The following FBXW11 variants were observed in gnomAD, a reference collection of about 807,000 sequenced individuals.
FBXW11 encodes F-box and WD repeat domain containing 11.
Under a neutral mutation model 77.6 loss-of-function variants are expected in FBXW11, and 19 were observed. The observed-to-expected ratio is 0.24, with a 90% CI of 0.17 to 0.36. The LOEUF (loss-of-function observed/expected upper bound fraction) is 0.36. FBXW11 is among the 10% of genes least tolerant of loss of function. The pLI is 1.00. For missense variants in FBXW11, 334 were observed against 704.2 expected (o/e 0.47, Z 5.95); for synonymous variants, 235 against 249.4 (o/e 0.94, Z 0.54).
At chr5:171,910,431 G>T in intron 4 of FBXW11, 141 bp downstream of exon 4, 1 of 540,886 alleles carries the variant, frequency 1.8e-6, no homozygotes. Context: ...ATAATTCCTC[G>T]AGTTCCATAT....
chr5:171,918,684 A>G (rs938334503), intron 2 of FBXW11, among the ~76,000 whole-genome samples: 6 of 152,336 alleles, frequency 3.9e-5, no homozygotes, highest in Non-Finnish European at 8.8e-5. Context: ...TAACCTAGGA[A>G]GAAGAAGCTA....
chr5:171,971,590 C>T (rs1222398285), intron 1 of FBXW11, among the ~76,000 whole-genome samples: 1 of 151,776 alleles, frequency 6.6e-6, no homozygotes, highest in Non-Finnish European at 1.5e-5. Context: ...GTATATGTTA[C>T]CAGCAGCAAA....
chr5:171,951,697 G>A (rs912965813), intron 2 of FBXW11, among the ~76,000 whole-genome samples: 4 of 152,092 alleles, frequency 2.6e-5, no homozygotes, highest in Admixed American at 2.6e-4. Flanking sequence ...CACCATGTTG[G>A]TGACCTCAGG....
chr5:171,879,776 T>C (rs1315190684), intron 7 of FBXW11, among the ~76,000 whole-genome samples: 2 of 152,262 alleles, frequency 1.3e-5, no homozygotes, highest in Non-Finnish European at 2.9e-5. Context: ...TTAAGGTCTA[T>C]GCCTTATTTT....
At chr5:171,920,733 A>C in intron 2 of FBXW11, among the ~76,000 whole-genome samples, 1 of 152,288 alleles carries the variant, frequency 6.6e-6, no homozygotes, top group Middle Eastern at 3.4e-3. Flanking sequence ...ACAAAATAAA[A>C]AATAACTGAA....
At chr5:172,001,061 A>G (rs1038795474) in intron 1 of FBXW11, among the ~76,000 whole-genome samples, 12 of 152,212 alleles carry the variant, frequency 7.9e-5, no homozygotes, top group Admixed American at 3.3e-4. Context: ...TAATATGTCT[A>G]TGGATGTCCT....
chr5:171,954,796 T>C (rs764009368), intron 2 of FBXW11, among the ~76,000 whole-genome samples: 24 of 152,170 alleles, frequency 1.6e-4, no homozygotes, highest in Admixed American at 9.8e-4. Flanking sequence ...TCTTTTCTTA[T>C]TTTCAAATAA....
In FBXW11 at chr5:171,979,533, T is replaced by TA. The variant is rs530377148; in HGVS notation, c.46-21836dup. Among the ~76,000 whole-genome samples the TA allele has an allele frequency of 1.2e-4, 19 of 152,240 alleles. No individual in the cohort carries two copies. In the East Asian group the frequency reaches 3.5e-3, roughly 28 times the overall value. ...CTATAATAAATGTGAATTGCTTCTGTAAAAAAAGGTAAGTTCCTATTCAAT... is the reference window on the plus strand; with the variant it reads ...CTATAATAAATGTGAATTGCTTCTGTAAAAAAAAGGTAAGTTCCTATTCAAT... On this transcript the variant is annotated intron_variant, in intron 1 of 13. Coordinates refer to ENST00000517395, the MANE Select transcript of FBXW11 (RefSeq NM_001378974.1).
chr5:171,869,655 A>G lies in FBXW11; in HGVS notation c.1530+74T>C. The G allele has an allele frequency of 5.2e-6, 6 of 1,145,076 alleles. No homozygotes were observed. Among genetic ancestry groups the G allele is most frequent in the Non-Finnish European group, 7.5e-6 (6 of 801,624 alleles). 70.9% of individuals were successfully genotyped at this position (1,145,076 alleles called of 1,614,324 possible). On this transcript the variant is annotated intron_variant, in intron 12 of 13. Coordinates refer to ENST00000517395, the MANE Select transcript of FBXW11 (RefSeq NM_001378974.1). The surrounding 1 kb of genome is among the most constrained non-coding windows in gnomAD (Gnocchi z 4.1). Reference sequence around the variant, plus strand: ...AGACACACAAGCGTTCCTGTGATACACCTAGACAGGACTATCTGCAAATGG... The same window carrying G: ...AGACACACAAGCGTTCCTGTGATACGCCTAGACAGGACTATCTGCAAATGG...
intron 2 of FBXW11, among the ~76,000 whole-genome samples, chr5:171,939,712 A>AG (rs1239457034): frequency 6.6e-6 from 1 of 151,136 alleles, no homozygotes; most frequent in Non-Finnish European, 1.5e-5. Flanking sequence ...AAAAAAAAAA[A>AG]AAAAAAGAAA....
chr5:171,999,348 T>C lies in FBXW11; in HGVS notation c.45+7110A>G, dbSNP rs555740546. Among the ~76,000 whole-genome samples, 117 of 151,820 alleles carry C rather than the reference T, an allele frequency of 7.7e-4. 2 individuals carry two copies. The highest frequency in any genetic ancestry group is 3.4e-3 in the Middle Eastern group (1 of 294). On this transcript the variant is annotated intron_variant, in intron 1 of 13. Transcript: ENST00000517395. ...TTCTGGACCTCTTGAATCCTCAGGCTTTTCCCCTGTACTAGTGAGTTAATT... is the reference window on the plus strand; with the variant it reads ...TTCTGGACCTCTTGAATCCTCAGGCCTTTCCCCTGTACTAGTGAGTTAATT...
At chr5:171,972,314 CAAAA>C (rs869308177) in intron 1 of FBXW11, among the ~76,000 whole-genome samples, 1 of 102,902 alleles carries the variant, frequency 9.7e-6, no homozygotes, top group South Asian at 3.2e-4. Context: ...CTCGTCTCTA[CAAAA>C]ATAAATAAAT....
At position 171,891,464 on chromosome 5, in the gene FBXW11, C is replaced by T. The variant is rs766848779; in HGVS notation, c.852+3G>A. 5 of 1,575,550 alleles carry T rather than the reference C, an allele frequency of 3.2e-6. No individual in the cohort carries two copies. The highest frequency in any genetic ancestry group is 3.4e-4 in the Middle Eastern group (2 of 5,884). On this transcript the variant is annotated splice_donor_region_variant and intron_variant, in intron 7 of 13. Coordinates refer to ENST00000517395, the MANE Select transcript of FBXW11 (RefSeq NM_001378974.1). ...ATAATACATAAAAAATTCAGTCATTCACCTTAATAGAATTATCTCGTAGGC... is the reference window on the plus strand; with the variant it reads ...ATAATACATAAAAAATTCAGTCATTTACCTTAATAGAATTATCTCGTAGGC...
At chr5:171,923,909 C>CTGTTT in intron 2 of FBXW11, among the ~76,000 whole-genome samples, 1 of 49,130 alleles carries the variant, frequency 2.0e-5, no homozygotes, top group Non-Finnish European at 3.4e-5. Flanking sequence ...GAAACCCCAC[C>CTGTTT]TTTTTTTTTT....
chr5:171,910,390 C>T (rs189889510), intron 4 of FBXW11, among the ~76,000 whole-genome samples, 182 bp downstream of exon 4: 1 of 152,066 alleles, frequency 6.6e-6, no homozygotes, highest in South Asian at 2.1e-4. Context: ...ATTAAAGATA[C>T]TGCCTATATT....
At chr5:171,944,683 T>A (rs897309743) in intron 2 of FBXW11, among the ~76,000 whole-genome samples, 1 of 151,732 alleles carries the variant, frequency 6.6e-6, no homozygotes, top group Admixed American at 6.6e-5. Context: ...ACCCCAATGG[T>A]CTATAATAAA....
chr5:171,959,950 T>G (rs933991373), intron 1 of FBXW11, among the ~76,000 whole-genome samples: 4 of 152,070 alleles, frequency 2.6e-5, no homozygotes, highest in African/African-American at 9.7e-5. Flanking sequence ...GACTAGTAAA[T>G]TAAACCTGAC....
At chr5:171,962,310 T>G (rs1397910916) in intron 1 of FBXW11, among the ~76,000 whole-genome samples, 1 of 152,218 alleles carries the variant, frequency 6.6e-6, no homozygotes, top group East Asian at 1.9e-4. Flanking sequence ...GTGGGGATAC[T>G]TAACAGAAGA....
intron 2 of FBXW11, among the ~76,000 whole-genome samples, chr5:171,935,988 G>A (rs188490147): frequency 6.6e-6 from 1 of 151,790 alleles, no homozygotes; most frequent in Non-Finnish European, 1.5e-5. Flanking sequence ...GCGGGTGCCT[G>A]TAGTCCCAGC....
Sources: allele counts gnomAD v4.1 joint callset (sites outside exome capture counted in the v4.1 genomes callset), GRCh38; gene constraint gnomAD v4.1.1; non-coding constraint Gnocchi (gnomAD v3.1); transcripts MANE v1.5; gene names NCBI Gene and HGNC (gene_info 2026-07-23, HGNC 2026-07-21).